The following AP1M2 variants were observed in gnomAD, a reference collection of about 807,000 sequenced individuals.
AP1M2 encodes adaptor related protein complex 1 subunit mu 2, also known as AP-1 complex subunit mu-2.
Under a neutral mutation model 54.6 loss-of-function variants are expected in AP1M2, and 41 were observed. That is an observed-to-expected ratio of 0.75 (90% CI 0.59 to 0.97). AP1M2 has a LOEUF of 0.97. Ranked by LOEUF, AP1M2 falls within the 50% of genes least tolerant of loss-of-function variation. The pLI, the probability that AP1M2 is intolerant of heterozygous loss-of-function variation, is 0.00. For missense variants in AP1M2, 507 were observed against 561.2 expected, an observed-to-expected ratio of 0.90 and a Z score of 0.98; for synonymous variants, 219 against 215.9, an observed-to-expected ratio of 1.01 and a Z score of -0.13.
rs1031594050 is a variant in AP1M2 at position 10,581,619 on chromosome 19, C to T, written c.414G>A (p.Gln138=). Residue 138 remains glutamine (Q), a synonymous_variant, in exon 5 of 12, where the codon CAG becomes CAA. Transcript: ENST00000250244. The part of the protein sequence containing the change: ...SKILQEYITQ[Q]SNKLETGKSR... Reference sequence around the variant, plus strand: ...ACTTGCCCGTCTCCAGCTTGTTGCTCTGCTGAGTGATGTACCTGGAGGGAG... The same window carrying T: ...ACTTGCCCGTCTCCAGCTTGTTGCTTTGCTGAGTGATGTACCTGGAGGGAG... 2.5e-6 allele frequency: 4 copies of T among 1,613,976 alleles called. No individual in the cohort carries two copies. The highest frequency in any genetic ancestry group is 3.4e-6 in the Non-Finnish European group (4 of 1,179,968).
At chr19:10,580,734 T>C (rs920012811) in intron 6 of AP1M2, among the ~76,000 whole-genome samples, 1 of 151,888 alleles carries the variant, frequency 6.6e-6, no homozygotes, top group Admixed American at 6.6e-5. Flanking sequence ...CCTAGCACTT[T>C]GGGAGGATTG....
intron 11 of AP1M2, 22 bp from the exon 12 acceptor site, chr19:10,573,110 G>C (rs1917111686): frequency 6.4e-7 from 1 of 1,558,980 alleles, no homozygotes; most frequent in Non-Finnish European, 8.7e-7. Flanking sequence ...GAATGAGGAG[G>C]GGCCATCTCA....
intron 6 of AP1M2, among the ~76,000 whole-genome samples, 188 bp from the exon 7 acceptor site, chr19:10,580,046 T>C (rs924102980): frequency 6.0e-5 from 1 of 16,726 alleles, no homozygotes; most frequent in African/African-American, 4.6e-4. Context: ...CTGGCTTGGT[T>C]TTTTTTTTTT....
At chr19:10,583,017 G>C (rs1165625276) in intron 3 of AP1M2, among the ~76,000 whole-genome samples, 2 of 151,730 alleles carry the variant, frequency 1.3e-5, no homozygotes, top group Non-Finnish European at 2.9e-5. Flanking sequence ...GTAGAGAAGG[G>C]GTTTCTGCAT....
At position 10,581,266 on chromosome 19, in the gene AP1M2, G is replaced by T. The variant is rs199993712; in HGVS notation, c.673C>A (p.Arg225Ser). The T allele has an allele frequency of 6.2e-7, 1 of 1,612,196 alleles. No homozygotes were observed. Among genetic ancestry groups the T allele is most frequent in the Non-Finnish European group, 8.5e-7 (1 of 1,178,844 alleles). The change falls in exon 6 of 12, where the codon CGC (arginine) becomes AGC (serine). Residue 225 changes from arginine (R) to serine (S), a missense_variant and splice_region_variant. Transcript: ENST00000250244. Reference protein sequence around the residue: ...NDRVLFELTGRSKNKSVELED... With the variant: ...NDRVLFELTGSSKNKSVELED... ...GAAGAAAGGTCCCCTAAATGCTTAC[G>T]GCCAGTGAGCTCGAAGAGCACGCGG... is the stretch of plus-strand genomic sequence containing the variant.
At chr19:10,586,981 T>C (rs1413028014) in intron 1 of AP1M2, among the ~76,000 whole-genome samples, 2 of 152,138 alleles carry the variant, frequency 1.3e-5, no homozygotes, top group East Asian at 3.9e-4. Flanking sequence ...TTGCTCCCAT[T>C]TTTACATACA....
chr19:10,576,152 C>T (rs1224761656), intron 9 of AP1M2, among the ~76,000 whole-genome samples: 5 of 141,838 alleles, frequency 3.5e-5, no homozygotes, highest in African/African-American at 7.9e-5. Context: ...AGTGCGGTGG[C>T]GTGATCTCAA....
At chr19:10,577,090 A>T in intron 9 of AP1M2, 108 bp downstream of exon 9, 1 of 1,270,326 alleles carries the variant, frequency 7.9e-7, no homozygotes, top group Non-Finnish European at 1.1e-6. Flanking sequence ...ATCACACCTG[A>T]CTGGGTCTCT....
At position 10,585,276 on chromosome 19, in the gene AP1M2, G is replaced by GAAGGA. The variant is rs1555753846; in HGVS notation, c.43-1207_43-1206insTCCTT. ...AGAAGGAAAGAAGGAAAGAAAGAAAGAAGAAAAAAAGAAAGAAAGAAAGAA... is the reference window on the plus strand; with the variant it reads ...AGAAGGAAAGAAGGAAAGAAAGAAAGAAGGAAAGAAAAAAAGAAAGAAAGAAAGAA... On this transcript the variant is annotated intron_variant, in intron 1 of 11. Transcript: ENST00000250244. Among the ~76,000 whole-genome samples the GAAGGA allele has an allele frequency of 2.2e-4, 17 of 77,450 alleles. 1 individual carries two copies. The highest frequency in any genetic ancestry group is 6.0e-4 in the African/African-American group (15 of 25,120). The allele number at this position is 77,450 out of a possible 152,430, so 50.8% of individuals were successfully genotyped here. A position where few individuals can be genotyped will look rare whatever the true frequency, so the allele number is the denominator to read the frequency against.
In AP1M2 at chr19:10,577,423, CTTTTTTTTTTTT is replaced by C. The variant is rs386388547; in HGVS notation, c.889-79_889-68del. On this transcript the variant is annotated intron_variant, in intron 8 of 11. Coordinates refer to ENST00000250244, the MANE Select transcript of AP1M2 (RefSeq NM_005498.5). ...TCATCCTTCAAATATTTACCAAGCC[CTTTTTTTTTTTT>C]TTTTTTTTTTTTTTTTGAGACGGAG... The C allele has an allele frequency of 4.3e-3, 1,612 of 370,778 alleles. 6 individuals are homozygous for C. Among genetic ancestry groups the C allele is most frequent in the Middle Eastern group, 0.016 (17 of 1,040 alleles). 23.0% of individuals were successfully genotyped at this position (370,778 alleles called of 1,614,324 possible).
intron 10 of AP1M2, 104 bp downstream of exon 10, chr19:10,574,800 G>A: frequency 7.2e-7 from 1 of 1,397,310 alleles, no homozygotes; most frequent in South Asian, 1.5e-5. Context: ...CTTCAGAGGA[G>A]TGTTGACACA....
Position 10,587,259 on chromosome 19 carries a change from G to A in AP1M2, c.-28C>T, listed in dbSNP as rs201603096. 11 of 1,559,308 alleles carry A rather than the reference G, an allele frequency of 7.1e-6. No individual in the cohort carries two copies. The Admixed American group carries it at 7.7e-5, about 11-fold the overall frequency. ...TGGCGGCCGAAGGACTTAGGAGTCGGGGAGGGAGCGCCGGGAGGCGATGGC... is the reference window on the plus strand; with the variant it reads ...TGGCGGCCGAAGGACTTAGGAGTCGAGGAGGGAGCGCCGGGAGGCGATGGC... On this transcript the variant is annotated 5_prime_UTR_variant, in exon 1 of 12. Coordinates refer to ENST00000250244, the MANE Select transcript of AP1M2 (RefSeq NM_005498.5).
chr19:10,577,295 G>C lies in AP1M2; in HGVS notation c.950C>G (p.Pro317Arg). ...ANGVEISVPV[P>R]SDADSPRFKT... ...GAATCTGGGGGAGTCGGCATCGCTG[G>C]GTACAGGCACAGATATCTCCACACC... Residue 317 changes from proline (P) to arginine (R), a missense_variant, in exon 9 of 12, where the codon CCC becomes CGC. By Grantham distance (103) the Pro-to-Arg change is moderately radical. Transcript: ENST00000250244. 1.2e-6 allele frequency: 2 copies of C among 1,612,154 alleles called. No homozygotes were observed. The highest frequency in any genetic ancestry group is 1.7e-6 in the Non-Finnish European group (2 of 1,179,246).
chr19:10,584,598 G>C (rs370651657), intron 1 of AP1M2, among the ~76,000 whole-genome samples: 1 of 150,462 alleles, frequency 6.6e-6, no homozygotes, highest in Non-Finnish European at 1.5e-5. Flanking sequence ...AAGAGAGAAA[G>C]AAAGAAAGAA....
chr19:10,575,921 A>G (rs1599547136), intron 9 of AP1M2, among the ~76,000 whole-genome samples: 1 of 134,342 alleles, frequency 7.4e-6, no homozygotes, highest in African/African-American at 2.8e-5. Context: ...GCCCGCCACC[A>G]CGCCCAGCTA....
chr19:10,582,584 C>A (rs1436079752), intron 3 of AP1M2, among the ~76,000 whole-genome samples: 4 of 151,646 alleles, frequency 2.6e-5, no homozygotes, highest in Non-Finnish European at 4.4e-5. Context: ...CCCGTCTATA[C>A]TAAAAATACA....
intron 1 of AP1M2, 76 bp downstream of exon 1, chr19:10,587,114 G>A (rs1917673004): frequency 3.3e-6 from 5 of 1,505,850 alleles, no homozygotes; most frequent in Non-Finnish European, 3.6e-6. Context: ...CCTGGCCCGC[G>A]CGGAGGGGTC....
rs1013005526 is a variant in AP1M2, at chr19:10,581,559, G to A, written c.474C>T (p.Ser158=). ...TATACTTGATACCCTCGGAGCGCCA[G>A]GACACAGCGTTGGTGACAGTGGGTG... The part of the protein sequence containing the change: ...RVPPTVTNAV[S]WRSEGIKYKK... Residue 158 remains serine (S), a synonymous_variant, in exon 5 of 12, where the codon TCC becomes TCT. Transcript: ENST00000250244. 1.2e-6 allele frequency: 2 copies of A among 1,613,736 alleles called. No homozygotes were observed. The highest frequency in any genetic ancestry group is 3.3e-5 in the Admixed American group (2 of 59,926).
At chr19:10,587,085 G>A in intron 1 of AP1M2, 105 bp downstream of exon 1, 2 of 1,250,786 alleles carry the variant, frequency 1.6e-6, no homozygotes, top group Non-Finnish European at 1.1e-6. Context: ...CAGGGGGAGG[G>A]GGTGTTCCCA....
Sources: gnomAD v4.1 joint callset for allele counts (sites outside exome capture counted in the v4.1 genomes callset) on GRCh38, gnomAD v4.1.1 for gene constraint, MANE v1.5 for transcripts, NCBI Gene and HGNC (gene_info 2026-07-23, HGNC 2026-07-21) for gene names.